The following SGMS1 variants were observed in gnomAD, a reference collection of about 807,000 sequenced individuals.
The protein encoded by SGMS1 is phosphatidylcholine:ceramide cholinephosphotransferase 1.
A neutral mutation model predicts 46.2 loss-of-function variants in SGMS1; 13 were observed. That is an observed-to-expected ratio of 0.28 (90% CI 0.18 to 0.45). SGMS1 has a LOEUF of 0.45. Among genes scored for constraint, SGMS1 ranks in the 20% least tolerant of loss-of-function variants. The pLI, the probability that SGMS1 is intolerant of heterozygous loss-of-function variation, is 1.00. For missense variants in SGMS1, 324 were observed against 519.9 expected, an observed-to-expected ratio of 0.62 and a Z score of 3.66; for synonymous variants, 203 against 187.8, an observed-to-expected ratio of 1.08 and a Z score of -0.66.
At chr10:50,527,567 G>A (rs1479549952) in intron 2 of SGMS1, among the ~76,000 whole-genome samples, 1 of 152,106 alleles carries the variant, frequency 6.6e-6, no homozygotes, top group Non-Finnish European at 1.5e-5. Context: ...TTGATACGCT[G>A]CCTCTCCCTA....
At chr10:50,308,200 G>T (rs769314172) in intron 9 of SGMS1, 52 bp from the exon 10 acceptor site, 3 of 1,536,568 alleles carry the variant, frequency 2.0e-6, no homozygotes, top group South Asian at 2.3e-5. Context: ...GACATTAAGG[G>T]CACCCAACTA....
chr10:50,336,510 C>T (rs985933528), intron 7 of SGMS1, among the ~76,000 whole-genome samples: 3 of 152,082 alleles, frequency 2.0e-5, no homozygotes, highest in South Asian at 2.1e-4. Flanking sequence ...CAAAAATGGA[C>T]GGCTATCAAA....
chr10:50,463,286 T>C (rs1837289752), intron 4 of SGMS1, among the ~76,000 whole-genome samples: 1 of 152,182 alleles, frequency 6.6e-6, no homozygotes, highest in Admixed American at 6.5e-5. Flanking sequence ...AAAGTGTTAA[T>C]ATCCAGAATA....
At chr10:50,351,466 A>C (rs1330625200) in intron 6 of SGMS1, among the ~76,000 whole-genome samples, 1 of 152,148 alleles carries the variant, frequency 6.6e-6, no homozygotes, top group Non-Finnish European at 1.5e-5. Flanking sequence ...GGGCAGAATG[A>C]TATGGTTTGG....
chr10:50,370,650 A>C (rs1011446422), intron 6 of SGMS1, among the ~76,000 whole-genome samples: 1 of 151,786 alleles, frequency 6.6e-6, no homozygotes, highest in Non-Finnish European at 1.5e-5. Context: ...CTGAGGCAGG[A>C]GAATCACTTG....
intron 3 of SGMS1, among the ~76,000 whole-genome samples, chr10:50,519,081 T>C (rs1344458777): frequency 6.6e-6 from 1 of 151,456 alleles, no homozygotes; most frequent in Non-Finnish European, 1.5e-5. Context: ...TCTTACAACA[T>C]AACAGGGCAA....
intron 6 of SGMS1, among the ~76,000 whole-genome samples, chr10:50,365,614 TG>T (rs562568795): frequency 2.0e-4 from 31 of 152,176 alleles, no homozygotes; most frequent in African/African-American, 7.2e-4. Flanking sequence ...CCCCGCTGTG[TG>T]TTGTTCCCCT....
At chr10:50,318,987 T>C (rs1847395203) in intron 8 of SGMS1, among the ~76,000 whole-genome samples, 1 of 152,152 alleles carries the variant, frequency 6.6e-6, no homozygotes, top group Admixed American at 6.5e-5. Context: ...ATCAAAGGCT[T>C]GATAAAATCT....
At chr10:50,429,182 A>C (rs1849367585) in intron 6 of SGMS1, among the ~76,000 whole-genome samples, 1 of 152,230 alleles carries the variant, frequency 6.6e-6, no homozygotes, top group Non-Finnish European at 1.5e-5. Flanking sequence ...ACAAGCACAG[A>C]CAGGTATAGT....
chr10:50,384,993 A>G (rs1258804149), intron 6 of SGMS1, among the ~76,000 whole-genome samples: 1 of 152,110 alleles, frequency 6.6e-6, no homozygotes, highest in East Asian at 1.9e-4. Context: ...GTGTCCCCTT[A>G]GTCTCTGCTA....
intron 5 of SGMS1, among the ~76,000 whole-genome samples, chr10:50,440,745 G>T (rs907936099): frequency 6.6e-6 from 1 of 152,088 alleles, no homozygotes; most frequent in African/African-American, 2.4e-5. Flanking sequence ...GAGTAGCTGG[G>T]ACTACAGGTG....
chr10:50,357,339 CA>C (rs1848171416), intron 6 of SGMS1, among the ~76,000 whole-genome samples: 1 of 151,734 alleles, frequency 6.6e-6, no homozygotes, highest in South Asian at 2.1e-4. Context: ...AATTACTAAC[CA>C]AAATTAGTAA....
chr10:50,567,240 C>T (rs781389147), intron 2 of SGMS1, among the ~76,000 whole-genome samples: 1 of 152,118 alleles, frequency 6.6e-6, no homozygotes, highest in Non-Finnish European at 1.5e-5. Flanking sequence ...CCATCGCACC[C>T]GGCCTATACT....
chr10:50,488,438 A>G (rs866486881), intron 3 of SGMS1, among the ~76,000 whole-genome samples: 10 of 152,354 alleles, frequency 6.6e-5, no homozygotes, highest in African/African-American at 2.4e-4. Context: ...GACGATATGC[A>G]TATAAATCAG....
At chr10:50,452,920 T>C (rs1461089198) in intron 5 of SGMS1, among the ~76,000 whole-genome samples, 5 of 152,156 alleles carry the variant, frequency 3.3e-5, no homozygotes, top group African/African-American at 1.2e-4. Context: ...GCTATATGCT[T>C]CAAAAAACCT....
rs1024012155 is a variant in SGMS1, at chr10:50,526,834, T to C, written c.-588-6913A>G. Among the ~76,000 whole-genome samples, 10 of 151,878 alleles carry C rather than the reference T, an allele frequency of 6.6e-5. 1 individual carries two copies. Among genetic ancestry groups the C allele is most frequent in the African/African-American group, 2.4e-4 (10 of 41,336 alleles). ...GTAATCATAGCACTCTGGGAGGCCA[T>C]GGCAGGTGGATCACGAGGTCAAGAG... On this transcript the variant is annotated intron_variant, in intron 2 of 10. Coordinates refer to ENST00000361781, the MANE Select transcript of SGMS1 (RefSeq NM_147156.4).
chr10:50,382,009 T>C (rs1848614244), intron 6 of SGMS1, among the ~76,000 whole-genome samples: 1 of 152,220 alleles, frequency 6.6e-6, no homozygotes, highest in Non-Finnish European at 1.5e-5. Context: ...GAGTTGTCTT[T>C]TCCTTTCCTT....
intron 4 of SGMS1, among the ~76,000 whole-genome samples, chr10:50,461,823 T>G (rs1376881144): frequency 6.6e-6 from 1 of 152,188 alleles, no homozygotes; most frequent in African/African-American, 2.4e-5. Context: ...CCCAAGGACT[T>G]ACTTAGGACC....
chr10:50,491,988 C>A lies in SGMS1; in HGVS notation c.-497-25056G>T, dbSNP rs951913032. On this transcript the variant is annotated intron_variant, in intron 3 of 10. Coordinates refer to ENST00000361781, the MANE Select transcript of SGMS1 (RefSeq NM_147156.4). ...TCCATCACGGTCAAGTATACTTCAT[C>A]CCTGGGATGCAAGGTTGGTTCAACA... 9.3e-4 allele frequency among the ~76,000 whole-genome samples: 142 copies of A among 152,334 alleles called. 1 individual carries two copies. The highest frequency in any genetic ancestry group is 3.3e-3 in the African/African-American group (139 of 41,564).
Sources: gnomAD v4.1 joint callset for allele counts (sites outside exome capture counted in the v4.1 genomes callset) on GRCh38, gnomAD v4.1.1 for gene constraint, MANE v1.5 for transcripts, NCBI Gene and HGNC (gene_info 2026-07-23, HGNC 2026-07-21) for gene names.